The following DENR variants were observed in gnomAD, a reference collection of about 807,000 sequenced individuals.
The protein encoded by DENR is density-regulated protein.
Under a neutral mutation model 30.6 loss-of-function variants are expected in DENR, and 6 were observed. The observed-to-expected ratio is 0.20, with a 90% CI of 0.11 to 0.39. The LOEUF (loss-of-function observed/expected upper bound fraction) is 0.39, where lower values mean the gene tolerates loss of function less well. Ranked by LOEUF, DENR falls within the 10% of genes least tolerant of loss-of-function variation. The pLI is 1.00. For missense variants in DENR, 141 were observed against 230.9 expected (o/e 0.61, Z 2.52); for synonymous variants, 78 against 72.1 (o/e 1.08, Z -0.41).
chr12:122,763,095 A>G (rs1249571168), intron 4 of DENR, 166 bp downstream of exon 4: 13 of 547,292 alleles, frequency 2.4e-5, no homozygotes, highest in South Asian at 4.5e-5. Flanking sequence ...CTGAATATCA[A>G]CTTTCTTACA....
chr12:122,766,850 C>G (rs1440667847), intron 5 of DENR, among the ~76,000 whole-genome samples: 1 of 152,178 alleles, frequency 6.6e-6, no homozygotes, highest in African/African-American at 2.4e-5. Context: ...AGGGGCCTTT[C>G]TATCAGTCTT....
rs1322460666 is a variant in DENR, at chr12:122,762,877, T to C, written c.159T>C (p.Cys53=). The change falls in exon 4 of 8, where the codon TGT becomes TGC. Residue 53 remains cysteine, a synonymous_variant. Coordinates refer to ENST00000280557, the MANE Select transcript of DENR (RefSeq NM_003677.5). ...YCEYMPDVAK[C]RQWLEKNFPN... is the part of the protein sequence containing the mutation. The stretch of plus-strand genomic sequence containing the variant: ...AATATATGCCTGATGTTGCTAAATG[T>C]AGACAATGGTTAGAGAAGAATTTTC... 6.5e-7 allele frequency: 1 copy of C among 1,549,952 alleles called. No homozygotes were observed. Among genetic ancestry groups the C allele is most frequent in the Non-Finnish European group, 8.7e-7 (1 of 1,146,508 alleles).
At chr12:122,762,147 G>T (rs1403944518) in intron 2 of DENR, 40 bp from the exon 3 acceptor site, 3 of 1,347,002 alleles carry the variant, frequency 2.2e-6, no homozygotes, top group Non-Finnish European at 3.0e-6. Flanking sequence ...TGTACATATA[G>T]GTTTAACATT....
intron 5 of DENR, among the ~76,000 whole-genome samples, chr12:122,766,745 C>T (rs2135512557): frequency 6.6e-6 from 1 of 152,108 alleles, no homozygotes; most frequent in East Asian, 1.9e-4. Flanking sequence ...TCTGTTCTTT[C>T]TCCTCCCTCC....
At chr12:122,757,714 T>C (rs1363562493) in intron 2 of DENR, among the ~76,000 whole-genome samples, 1 of 152,158 alleles carries the variant, frequency 6.6e-6, no homozygotes, top group African/African-American at 2.4e-5. Context: ...GACCATGGGC[T>C]GGTAGGAGTT....
intron 2 of DENR, among the ~76,000 whole-genome samples, chr12:122,757,370 C>A (rs1400889398): frequency 1.3e-5 from 2 of 152,160 alleles, no homozygotes; most frequent in Non-Finnish European, 2.9e-5. Flanking sequence ...GGAAGACAAA[C>A]ATTTTAACAG....
intron 4 of DENR, 100 bp from the exon 5 acceptor site, chr12:122,765,204 A>G: frequency 1.2e-6 from 1 of 845,138 alleles, no homozygotes; most frequent in Non-Finnish European, 1.9e-6. Flanking sequence ...AGCTGTTGGT[A>G]AGATGCCTTA....
intron 4 of DENR, among the ~76,000 whole-genome samples, chr12:122,763,431 C>T (rs576874765): frequency 5.6e-4 from 85 of 151,002 alleles, no homozygotes; most frequent in African/African-American, 2.1e-3. Context: ...ATTGGCTGGG[C>T]GCAGTGGTTC....
Position 122,753,716 on chromosome 12 carries a change from T to A in DENR, c.15T>A (p.Ile5=), listed in dbSNP as rs372438961. 7.4e-6 allele frequency: 12 copies of A among 1,613,972 alleles called. No homozygotes were observed. The highest frequency in any genetic ancestry group is 9.3e-6 in the Non-Finnish European group (11 of 1,179,864). Residue 5 remains isoleucine, a synonymous_variant, in exon 2 of 8, where the codon ATT becomes ATA. Transcript: ENST00000280557. The part of the protein sequence containing the change: MAAD[I]SESSGADCKG... The stretch of plus-strand genomic sequence containing the variant: ...AGGTTTGTGAAATGGCTGCTGACAT[T>A]TCTGAATCCAGCGGGGCTGACTGCA...
intron 1 of DENR, among the ~76,000 whole-genome samples, chr12:122,753,274 C>T (rs1167575351): frequency 6.6e-6 from 1 of 151,968 alleles, no homozygotes; most frequent in Non-Finnish European, 1.5e-5. Flanking sequence ...CGGGCTTCTC[C>T]GATGACCCAC....
chr12:122,754,480 A>G (rs1223463807), intron 2 of DENR, among the ~76,000 whole-genome samples: 1 of 152,242 alleles, frequency 6.6e-6, no homozygotes, highest in Non-Finnish European at 1.5e-5. Context: ...CTGAAGATAC[A>G]GGACAGTAAA....
rs1878999808 is a variant in DENR, at chr12:122,770,260, A to G, written c.*1182A>G. ...AATATTATTTATAATAAAAAATTGC[A>G]AATGTTATAAATGAACAATTGGGAA... On this transcript the variant is annotated 3_prime_UTR_variant, in exon 8 of 8. Transcript: ENST00000280557. The G allele has an allele frequency of 5.7e-6, 1 of 174,820 alleles. No homozygotes were observed. The allele number at this position is 174,820 out of a possible 1,614,324, so 10.8% of individuals were successfully genotyped here.
chr12:122,756,849 A>C (rs931349418), intron 2 of DENR, among the ~76,000 whole-genome samples: 2 of 152,212 alleles, frequency 1.3e-5, no homozygotes, highest in African/African-American at 2.4e-5. Flanking sequence ...TCTGGCAGCA[A>C]GATAACAATT....
Position 122,770,367 on chromosome 12 carries a change from A to G in DENR, c.*1289A>G, listed in dbSNP as rs1879002722. ...AATCATATTTTCTAAGATTATTTGG[A>G]AGCATGTTTGGTAATGTCAAGTGGA... On this transcript the variant is annotated 3_prime_UTR_variant, in exon 8 of 8. Coordinates refer to ENST00000280557, the MANE Select transcript of DENR (RefSeq NM_003677.5). 2.8e-6 allele frequency: 1 copy of G among 363,272 alleles called. No homozygotes were observed. The highest frequency in any genetic ancestry group is 4.9e-6 in the Non-Finnish European group (1 of 204,942). The allele number at this position is 363,272 out of a possible 1,614,324, so 22.5% of individuals were successfully genotyped here.
At chr12:122,761,110 C>A (rs1246717957) in intron 2 of DENR, among the ~76,000 whole-genome samples, 3 of 151,912 alleles carry the variant, frequency 2.0e-5, no homozygotes, top group Admixed American at 1.3e-4. Flanking sequence ...GAGAGTGAGA[C>A]CCTTACTCTA....
chr12:122,762,746 A>T (rs1006534629), intron 3 of DENR, 99 bp from the exon 4 acceptor site: 31 of 795,250 alleles, frequency 3.9e-5, no homozygotes, highest in East Asian at 5.6e-5. Flanking sequence ...GGTTTGTTTT[A>T]TTCTTTGTAT....
intron 2 of DENR, 41 bp downstream of exon 2, chr12:122,753,848 C>G: frequency 6.9e-7 from 1 of 1,438,878 alleles, no homozygotes; most frequent in Non-Finnish European, 9.8e-7. Context: ...ACTCACTATA[C>G]TTTTATGCAT....
intron 2 of DENR, among the ~76,000 whole-genome samples, chr12:122,755,584 TAAAAA>T (rs373140517): frequency 0.012 from 1,846 of 152,198 alleles, 39 homozygotes; most frequent in African/African-American, 0.042. Context: ...ATCTCAAAAA[TAAAAA>T]ACAAAACTAA....
Position 122,765,352 on chromosome 12 carries a change from C to T in DENR, c.260C>T (p.Ala87Val), listed in dbSNP as rs1309448454. The T allele has an allele frequency of 6.4e-7, 1 of 1,551,854 alleles. No individual in the cohort carries two copies. Among genetic ancestry groups the T allele is most frequent in the South Asian group, 1.2e-5 (1 of 84,016 alleles). ...EAGISEGQGTAGEEEEKKKQK... is the reference protein window; with the variant it reads ...EAGISEGQGTVGEEEEKKKQK... ...GGAATTAGTGAGGGTCAAGGAACAG[C>T]AGGGGAAGAAGAGGAGAAGAAAAAA... Residue 87 changes from alanine (A) to valine (V), a missense_variant, in exon 5 of 8, where the codon GCA becomes GTA. Physicochemically the swap from Ala to Val is moderately conservative, Grantham distance 64. This residue lies in a region of DENR where 104 missense variants were observed against 138.3 expected (regional missense o/e 0.75). Transcript: ENST00000280557.
Sources: gnomAD v4.1 joint callset for allele counts (sites outside exome capture counted in the v4.1 genomes callset) on GRCh38, gnomAD v4.1.1 for gene constraint, gnomAD v4.1.1 regional missense constraint, MANE v1.5 for transcripts, NCBI Gene and HGNC (gene_info 2026-07-23, HGNC 2026-07-21) for gene names.